GPC5: variants seen among roughly 807,000 people sequenced by gnomAD.
The protein encoded by GPC5 is glypican 5.
GPC5 carries 47 observed loss-of-function variants against 53.9 expected under a neutral mutation model. The observed-to-expected ratio is 0.87, with a 90% CI of 0.69 to 1.11. The LOEUF (loss-of-function observed/expected upper bound fraction) is 1.11, where lower values mean the gene tolerates loss of function less well. GPC5 is among the 50% of genes most tolerant of loss of function. GPC5 has a pLI of 0.00. For synonymous variants in GPC5, 286 were observed against 263.3 expected (o/e 1.09, Z -0.84); for missense variants, 748 against 713.1 (o/e 1.05, Z -0.56).
intron 5 of GPC5, among the ~76,000 whole-genome samples, chr13:91,882,706 G>T (rs9560878): frequency 3.3e-5 from 1 of 30,682 alleles, no homozygotes; most frequent in Non-Finnish European, 6.2e-5. Context: ...TTCAGTCTTA[G>T]AGTCTTTCTT....
intron 5 of GPC5, among the ~76,000 whole-genome samples, chr13:91,860,078 AAT>A (rs1229582914): frequency 1.3e-5 from 2 of 152,104 alleles, no homozygotes; most frequent in African/African-American, 4.8e-5. Flanking sequence ...GGGAACATTC[AAT>A]ATCCTTTGCT....
chr13:91,734,136 T>C (rs1416145231), intron 4 of GPC5, among the ~76,000 whole-genome samples: 1 of 151,156 alleles, frequency 6.6e-6, no homozygotes, highest in Non-Finnish European at 1.5e-5. Context: ...TGTTTATTGA[T>C]TTGCGTATGT....
At position 91,418,863 on chromosome 13, in the gene GPC5, A is replaced by G. The variant is rs1477472356; in HGVS notation, c.163+19654A>G. On this transcript the variant is annotated intron_variant, in intron 1 of 7. Coordinates refer to ENST00000377067, the MANE Select transcript of GPC5 (RefSeq NM_004466.6). The stretch of plus-strand genomic sequence containing the variant: ...ACTTATTTGAGGTAGAATCAGTATG[A>G]TTATGATTATTTTCTTCTGCTTGTC... 2.6e-5 allele frequency among the ~76,000 whole-genome samples: 4 copies of G among 152,050 alleles called. No homozygotes were observed. The East Asian group carries it at 5.8e-4, about 22-fold the overall frequency.
At chr13:91,437,786 T>G (rs1371958104) in intron 1 of GPC5, among the ~76,000 whole-genome samples, 1 of 152,252 alleles carries the variant, frequency 6.6e-6, no homozygotes, top group Admixed American at 6.5e-5. Context: ...CCCGTCACTT[T>G]CAGGTACACC....
chr13:91,922,308 T>TA (rs1047512861), intron 6 of GPC5, among the ~76,000 whole-genome samples: 3 of 151,924 alleles, frequency 2.0e-5, no homozygotes, highest in Admixed American at 2.0e-4. Context: ...AAACTTTTTT[T>TA]AAAAAAAACT....
Position 91,431,297 on chromosome 13 carries a change from C to G in GPC5, c.164-17464C>G, listed in dbSNP as rs1184338229. Among the ~76,000 whole-genome samples the G allele has an allele frequency of 2.0e-5, 3 of 152,168 alleles. No homozygotes were observed. In the East Asian group the frequency reaches 5.8e-4, roughly 29 times the overall value. Reference sequence around the variant, plus strand: ...ACTCAAAACCACTCTGCCTCCCCATCCACGATTTCTACATCTGGTTTATTT... The same window carrying G: ...ACTCAAAACCACTCTGCCTCCCCATGCACGATTTCTACATCTGGTTTATTT... On this transcript the variant is annotated intron_variant, in intron 1 of 7. Transcript: ENST00000377067.
intron 2 of GPC5, among the ~76,000 whole-genome samples, chr13:91,466,388 A>G (rs992214273): frequency 1.3e-5 from 2 of 152,060 alleles, no homozygotes; most frequent in African/African-American, 2.4e-5. Context: ...GGGCAGGGGG[A>G]CGTTATGGTC....
At chr13:91,892,502 A>G (rs1013037101) in intron 5 of GPC5, among the ~76,000 whole-genome samples, 3 of 151,686 alleles carry the variant, frequency 2.0e-5, no homozygotes, top group African/African-American at 7.2e-5. Flanking sequence ...TTTTTGATAC[A>G]CTTTATATAC....
intron 3 of GPC5, among the ~76,000 whole-genome samples, chr13:91,724,652 C>A (rs1384409582): frequency 1.3e-5 from 2 of 151,722 alleles, no homozygotes; most frequent in African/African-American, 4.8e-5. Context: ...GGTTTGAGAC[C>A]AGCCCTGGCA....
intron 7 of GPC5, among the ~76,000 whole-genome samples, chr13:92,740,062 T>C (rs1889044193): frequency 6.6e-6 from 1 of 151,946 alleles, no homozygotes; most frequent in Non-Finnish European, 1.5e-5. Flanking sequence ...TAACCTTCCT[T>C]CCCTATCCTC....
chr13:91,758,594 C>T (rs2037344857), intron 5 of GPC5, among the ~76,000 whole-genome samples: 1 of 151,964 alleles, frequency 6.6e-6, no homozygotes, highest in Non-Finnish European at 1.5e-5. Context: ...ATATTTTATT[C>T]TACATAATAT....
In GPC5 at chr13:92,674,545, GCA is replaced by G. The variant is rs1402755439; in HGVS notation, c.1562-191736_1562-191735del. 8.0e-3 allele frequency among the ~76,000 whole-genome samples: 153 copies of G among 19,026 alleles called. 1 individual carries two copies. The highest frequency in any genetic ancestry group is 0.018 in the African/African-American group (141 of 8,016). 12.5% of individuals were successfully genotyped at this position (19,026 alleles called of 152,430 possible). A position where few individuals can be genotyped will look rare whatever the true frequency, so the allele number is the denominator to read the frequency against. On this transcript the variant is annotated intron_variant, in intron 7 of 7. Transcript: ENST00000377067. ...AATCCATGAATTCTTGCTTCATGAA[GCA>G]GGAGCTTCATGAAGCTCTTCTTGAA...
chr13:92,520,380 A>C (rs1351134405), intron 7 of GPC5, among the ~76,000 whole-genome samples: 1 of 152,232 alleles, frequency 6.6e-6, no homozygotes, highest in Non-Finnish European at 1.5e-5. Context: ...AAAATCCTCA[A>C]TAAGATACTG....
chr13:92,301,641 C>T (rs1190958156), intron 7 of GPC5, among the ~76,000 whole-genome samples: 2 of 152,064 alleles, frequency 1.3e-5, no homozygotes, highest in South Asian at 2.1e-4. Context: ...AATCCCAGCA[C>T]TTCGGGAGAC....
At chr13:92,717,620 C>T (rs1888374789) in intron 7 of GPC5, among the ~76,000 whole-genome samples, 1 of 152,162 alleles carries the variant, frequency 6.6e-6, no homozygotes, top group Admixed American at 6.6e-5. Flanking sequence ...TCATCAGCTT[C>T]ATTAAACATA....
intron 7 of GPC5, among the ~76,000 whole-genome samples, chr13:92,775,895 AC>A (rs1040921804): frequency 1.3e-5 from 2 of 152,162 alleles, no homozygotes; most frequent in Non-Finnish European, 2.9e-5. Context: ...ATCTTCATTC[AC>A]CACAAAATAA....
intron 7 of GPC5, among the ~76,000 whole-genome samples, chr13:92,374,463 T>TTCCTACCTAGTAGGAGCTTCC (rs2043676230): frequency 6.6e-6 from 1 of 152,154 alleles, no homozygotes; most frequent in South Asian, 2.1e-4. Context: ...CAATTGGCTC[T>TTCCTACCTAGTAGGAGCTTCC]TCCTACCTAG....
chr13:91,556,861 G>T (rs1000561561), intron 2 of GPC5, among the ~76,000 whole-genome samples: 4 of 151,884 alleles, frequency 2.6e-5, no homozygotes, highest in African/African-American at 9.7e-5. Flanking sequence ...CCAAAAATTG[G>T]GTTCAGTATA....
intron 2 of GPC5, among the ~76,000 whole-genome samples, chr13:91,685,299 T>G (rs1422679844): frequency 6.6e-6 from 1 of 152,182 alleles, no homozygotes; most frequent in Non-Finnish European, 1.5e-5. Context: ...AGTGAGACCT[T>G]GTCTCAGAAT....
Sources: allele counts gnomAD v4.1 joint callset (sites outside exome capture counted in the v4.1 genomes callset), GRCh38; gene constraint gnomAD v4.1.1; transcripts MANE v1.5; gene names NCBI Gene and HGNC (gene_info 2026-07-23, HGNC 2026-07-21).